The following KCNMA1 variants were observed in gnomAD, a reference collection of about 807,000 sequenced individuals.
KCNMA1 encodes potassium calcium-activated channel subfamily M alpha 1.
Under a neutral mutation model 140.0 loss-of-function variants are expected in KCNMA1, and 29 were observed. The ratio of observed to expected loss-of-function variants is 0.21; its 90% CI spans 0.15 to 0.28. The LOEUF (loss-of-function observed/expected upper bound fraction) is 0.28, where lower values mean the gene tolerates loss of function less well. Ranked by LOEUF, KCNMA1 falls within the 10% of genes least tolerant of loss-of-function variation. The probability of loss-of-function intolerance (pLI) is 1.00; values close to 1 mark genes in which losing one functional copy is unlikely to be tolerated. For synonymous variants in KCNMA1, 612 were observed against 611.9 expected, an observed-to-expected ratio of 1.00 and a Z score of 0.00; for missense variants, 880 against 1,602.2, an observed-to-expected ratio of 0.55 and a Z score of 7.70.
chr10:77,559,297 C>T (rs2065563641), intron 1 of KCNMA1, among the ~76,000 whole-genome samples: 1 of 152,186 alleles, frequency 6.6e-6, no homozygotes, highest in South Asian at 2.1e-4. Context: ...TGCCTACTAC[C>T]ACCACCCAGC....
At chr10:77,113,486 C>A (rs567982427) in intron 6 of KCNMA1, among the ~76,000 whole-genome samples, 1 of 151,988 alleles carries the variant, frequency 6.6e-6, no homozygotes, top group East Asian at 1.9e-4. Flanking sequence ...TTTTTTGAGA[C>A]GAGGTCTGAC....
At chr10:76,973,346 C>G (rs2153191895) in intron 19 of KCNMA1, 1 of 152,622 alleles carries the variant, frequency 6.6e-6, no homozygotes, top group East Asian at 1.9e-4. Context: ...AAGTATAACA[C>G]TTAATGTGCT....
chr10:77,450,046 C>T (rs1341702450), intron 1 of KCNMA1, among the ~76,000 whole-genome samples: 2 of 152,164 alleles, frequency 1.3e-5, no homozygotes, highest in Admixed American at 6.5e-5. Flanking sequence ...AACTCCTGGG[C>T]TCAAGTGGTC....
chr10:76,951,607 G>A (rs917287339), intron 21 of KCNMA1, among the ~76,000 whole-genome samples: 4 of 152,052 alleles, frequency 2.6e-5, no homozygotes, highest in African/African-American at 9.7e-5. Context: ...TTAGTTTCCC[G>A]TGCCCAGTGG....
At chr10:77,324,971 C>CTCTCTGTGTGTGTG (rs766240356) in intron 2 of KCNMA1, among the ~76,000 whole-genome samples, 10 of 90,378 alleles carry the variant, frequency 1.1e-4, no homozygotes, top group Admixed American at 4.9e-4. Flanking sequence ...CTCTCTCTCT[C>CTCTCTGTGTGTGTG]TGTGTGTGTG....
At chr10:77,183,876 C>T (rs1028850651) in intron 4 of KCNMA1, among the ~76,000 whole-genome samples, 4 of 152,244 alleles carry the variant, frequency 2.6e-5, no homozygotes, top group Admixed American at 6.5e-5. Context: ...TGGACACACA[C>T]GTTTTCTAGT....
At chr10:77,115,846 T>C (rs948772116) in intron 6 of KCNMA1, among the ~76,000 whole-genome samples, 11 of 152,204 alleles carry the variant, frequency 7.2e-5, no homozygotes, top group Non-Finnish European at 1.5e-4. Context: ...AGGAATTTGC[T>C]TTCTAAATGA....
rs1473799152 is a variant in KCNMA1 at position 76,885,210 on chromosome 10, T to G, written c.*2056A>C. On this transcript the variant is annotated 3_prime_UTR_variant, in exon 28 of 28. Coordinates refer to ENST00000286628, the MANE Select transcript of KCNMA1 (RefSeq NM_001161352.2). ...TAGGGGATACATATATATAGTTATATATATAGTTATATATATATAATTATA... is the reference window on the plus strand; with the variant it reads ...TAGGGGATACATATATATAGTTATAGATATAGTTATATATATATAATTATA... The G allele has an allele frequency of 1.8e-6, 1 of 551,270 alleles. No homozygotes were observed. The highest frequency in any genetic ancestry group is 2.3e-6 in the Non-Finnish European group (1 of 430,780). 34.1% of individuals were successfully genotyped at this position (551,270 alleles called of 1,614,324 possible).
At chr10:77,235,356 A>G (rs1377586981) in intron 3 of KCNMA1, among the ~76,000 whole-genome samples, 1 of 152,208 alleles carries the variant, frequency 6.6e-6, no homozygotes, top group Non-Finnish European at 1.5e-5. Flanking sequence ...CAAGTTTTAC[A>G]GAAAGGAAGT....
intron 2 of KCNMA1, chr10:77,313,870 T>C (rs750091287): frequency 2.6e-5 from 4 of 152,192 alleles, no homozygotes; most frequent in Non-Finnish European, 5.9e-5. Context: ...GCAATTTACA[T>C]TGGACTCACA....
chr10:77,039,218 C>T (rs2094512358), intron 15 of KCNMA1: 1 of 439,858 alleles, frequency 2.3e-6, no homozygotes, highest in Non-Finnish European at 4.2e-6. Context: ...GGGGTTTATG[C>T]CACTCTTCAT....
At chr10:77,448,556 C>A (rs750490986) in intron 1 of KCNMA1, among the ~76,000 whole-genome samples, 1 of 152,134 alleles carries the variant, frequency 6.6e-6, no homozygotes, top group East Asian at 1.9e-4. Context: ...TGATCAGCAG[C>A]GACATCTAAA....
intron 1 of KCNMA1, among the ~76,000 whole-genome samples, chr10:77,613,812 G>C (rs1468084581): frequency 6.6e-6 from 1 of 152,238 alleles, no homozygotes; most frequent in African/African-American, 2.4e-5. Context: ...GGGAAGGAAA[G>C]AGGAGATGGA....
chr10:76,916,987 G>C (rs983750630), intron 23 of KCNMA1, among the ~76,000 whole-genome samples: 1 of 152,112 alleles, frequency 6.6e-6, no homozygotes, highest in African/African-American at 2.4e-5. Flanking sequence ...CTATGAAAAG[G>C]GTAAGTCATT....
At chr10:77,033,788 A>G (rs990767950) in intron 15 of KCNMA1, among the ~76,000 whole-genome samples, 1 of 152,116 alleles carries the variant, frequency 6.6e-6, no homozygotes, top group Non-Finnish European at 1.5e-5. Flanking sequence ...TCAACGGTTT[A>G]TTCACTAGCT....
intron 13 of KCNMA1, 37 bp downstream of exon 13, chr10:77,079,444 G>A (rs2153732833): frequency 1.6e-6 from 2 of 1,271,058 alleles, no homozygotes; most frequent in East Asian, 2.3e-5. Context: ...ACCTGTGGAT[G>A]GGTCTTCAGA....
intron 2 of KCNMA1, among the ~76,000 whole-genome samples, chr10:77,299,099 G>T (rs776213447): frequency 5.9e-5 from 9 of 152,204 alleles, no homozygotes; most frequent in Non-Finnish European, 1.2e-4. Context: ...TTTCTTAAAA[G>T]CCAGAAGACT....
chr10:77,630,856 A>G (rs2093100303), intron 1 of KCNMA1, among the ~76,000 whole-genome samples: 1 of 151,980 alleles, frequency 6.6e-6, no homozygotes, highest in Admixed American at 6.5e-5. Context: ...CCACTGTGGG[A>G]GCACTTTGGG....
At position 76,952,025 on chromosome 10, in the gene KCNMA1, G is replaced by A. The variant is rs756268643; in HGVS notation, c.2484+1776C>T. The A allele has an allele frequency of 2.6e-6, 4 of 1,551,258 alleles. No homozygotes were observed. In the African/African-American group the frequency reaches 4.1e-5, roughly 16 times the overall value. On this transcript the variant is annotated intron_variant, in intron 21 of 27. Transcript: ENST00000286628. ...TGATGTTATTTTTCATAGGATAGAA[G>A]TAGTAACTCACCTCCTTAAACTTTT...
Sources: allele counts gnomAD v4.1 joint callset (sites outside exome capture counted in the v4.1 genomes callset), GRCh38; gene constraint gnomAD v4.1.1; transcripts MANE v1.5; gene names NCBI Gene and HGNC (gene_info 2026-07-23, HGNC 2026-07-21).